ATP13A4: variants seen among roughly 807,000 people sequenced by gnomAD.
ATP13A4 encodes the protein probable cation-transporting ATPase 13A4.
ATP13A4 carries 114 observed loss-of-function variants against 142.5 expected under a neutral mutation model. The observed-to-expected ratio is 0.80, with a 90% CI of 0.69 to 0.93. The LOEUF (loss-of-function observed/expected upper bound fraction) is 0.93, where lower values mean the gene tolerates loss of function less well. Ranked by LOEUF, ATP13A4 falls within the 40% of genes least tolerant of loss-of-function variation. The probability of loss-of-function intolerance (pLI) is 0.00; values close to 1 mark genes in which losing one functional copy is unlikely to be tolerated. For synonymous variants in ATP13A4, 488 were observed against 514.8 expected, an observed-to-expected ratio of 0.95 and a Z score of 0.70; for missense variants, 1,392 against 1,454.0, an observed-to-expected ratio of 0.96 and a Z score of 0.69.
chr3:193,489,999 T>C, intron 6 of ATP13A4, 135 bp from the exon 7 acceptor site: 2 of 1,012,440 alleles, frequency 2.0e-6, no homozygotes, highest in South Asian at 1.5e-5. Context: ...TATTCGGCAA[T>C]TGACACGTGC....
At chr3:193,415,919 G>C (rs1052906551) in intron 25 of ATP13A4, among the ~76,000 whole-genome samples, 2 of 152,186 alleles carry the variant, frequency 1.3e-5, no homozygotes, top group African/African-American at 2.4e-5. Context: ...CCAGGGCATA[G>C]TACATGCTCA....
At chr3:193,413,633 G>T (rs973165108) in intron 26 of ATP13A4, among the ~76,000 whole-genome samples, 2 of 152,182 alleles carry the variant, frequency 1.3e-5, no homozygotes, top group African/African-American at 4.8e-5. Flanking sequence ...CGCTCTGGGA[G>T]TGTCTGTCTT....
intron 1 of ATP13A4, among the ~76,000 whole-genome samples, chr3:193,544,694 A>G (rs568042144): frequency 6.6e-6 from 1 of 152,342 alleles, no homozygotes; most frequent in African/African-American, 2.4e-5. Flanking sequence ...ACTTATACAA[A>G]AAGGGATCTG....
At chr3:193,408,071 T>C (rs928323014) in intron 28 of ATP13A4, among the ~76,000 whole-genome samples, 1 of 152,248 alleles carries the variant, frequency 6.6e-6, no homozygotes, top group Non-Finnish European at 1.5e-5. Context: ...CTGATATATA[T>C]GTATGGTGAA....
intron 1 of ATP13A4, among the ~76,000 whole-genome samples, chr3:193,583,299 G>A (rs562365701): frequency 6.6e-6 from 1 of 152,116 alleles, no homozygotes; most frequent in East Asian, 1.9e-4. Flanking sequence ...TGGGATTGGT[G>A]GCGGGCGCCT....
intron 1 of ATP13A4, among the ~76,000 whole-genome samples, chr3:193,550,178 T>C (rs1247145544): frequency 1.3e-5 from 2 of 152,158 alleles, no homozygotes; most frequent in East Asian, 3.9e-4. Context: ...AGAAATACAA[T>C]TGCACCATGC....
In ATP13A4 at chr3:193,454,170, T is replaced by C. The variant is rs756711201; in HGVS notation, c.1958A>G (p.Gln653Arg). The change falls in exon 17 of 30, where the codon CAG (glutamine) becomes CGG (arginine). Residue 653 changes from glutamine to arginine, a missense_variant. Coordinates refer to ENST00000342695, the MANE Select transcript of ATP13A4 (RefSeq NM_032279.4). ...FVSELQIYTTQGFRVIALAYK... is the reference protein window; with the variant it reads ...FVSELQIYTTRGFRVIALAYK... ...GGCCAGTGCTATGACTCGGAAGCCC[T>C]GTGTCGTGTAAATCTGAAGTTCGCT... The C allele has an allele frequency of 1.2e-6, 2 of 1,614,156 alleles. No homozygotes were observed. The highest frequency in any genetic ancestry group is 3.3e-5 in the Admixed American group (2 of 60,034).
intron 28 of ATP13A4, among the ~76,000 whole-genome samples, chr3:193,409,034 T>C (rs974056787): frequency 6.6e-6 from 1 of 152,218 alleles, no homozygotes; most frequent in Non-Finnish European, 1.5e-5. Context: ...AATAAACTAG[T>C]GTCATTGGTT....
chr3:193,547,033 A>C (rs1304774980), intron 1 of ATP13A4, among the ~76,000 whole-genome samples: 1 of 152,154 alleles, frequency 6.6e-6, no homozygotes, highest in Admixed American at 6.5e-5. Flanking sequence ...ATCTTTCCTC[A>C]CTGGACAAGC....
chr3:193,435,085 G>A (rs554312911), intron 24 of ATP13A4, among the ~76,000 whole-genome samples: 2 of 152,162 alleles, frequency 1.3e-5, no homozygotes, highest in South Asian at 4.2e-4. Flanking sequence ...TGCTATCTCT[G>A]CCCTTAAGGT....
At chr3:193,466,607 G>A (rs1718303111) in intron 10 of ATP13A4, among the ~76,000 whole-genome samples, 3 of 152,300 alleles carry the variant, frequency 2.0e-5, no homozygotes, top group African/African-American at 4.8e-5. Flanking sequence ...GCCCACCCTG[G>A]AAAGAACTTG....
At chr3:193,418,426 G>A (rs1387199124) in intron 25 of ATP13A4, among the ~76,000 whole-genome samples, 2 of 149,570 alleles carry the variant, frequency 1.3e-5, no homozygotes, top group Non-Finnish European at 3.0e-5. Flanking sequence ...ACTATATTTT[G>A]ATGAAAATAA....
intron 18 of ATP13A4, among the ~76,000 whole-genome samples, chr3:193,446,708 AT>A (rs1370111948): frequency 6.6e-6 from 1 of 152,144 alleles, no homozygotes; most frequent in Non-Finnish European, 1.5e-5. Flanking sequence ...AAAAATAAAA[AT>A]TTTTCTAAAA....
At chr3:193,483,516 G>C (rs1719416509) in intron 8 of ATP13A4, among the ~76,000 whole-genome samples, 2 of 152,296 alleles carry the variant, frequency 1.3e-5, no homozygotes, top group Non-Finnish European at 2.9e-5. Context: ...CCAGGCTGGA[G>C]TACAGTGGCG....
At chr3:193,480,883 C>A (rs1719252326) in intron 8 of ATP13A4, among the ~76,000 whole-genome samples, 1 of 152,114 alleles carries the variant, frequency 6.6e-6, no homozygotes, top group Admixed American at 6.6e-5. Flanking sequence ...AGCCCAAATG[C>A]CCATCAATCT....
At chr3:193,480,826 G>A (rs1353895120) in intron 8 of ATP13A4, among the ~76,000 whole-genome samples, 2 of 152,130 alleles carry the variant, frequency 1.3e-5, no homozygotes, top group East Asian at 3.8e-4. Context: ...ATACTTGCAT[G>A]TGCATGTCTA....
At chr3:193,438,439 A>G (rs887811600) in intron 23 of ATP13A4, 36 bp downstream of exon 23, 1 of 1,494,304 alleles carries the variant, frequency 6.7e-7, no homozygotes. Context: ...AGAAGTCAAG[A>G]GAGAGAAAAC....
chr3:193,489,908 G>T (rs1489925), intron 6 of ATP13A4, 44 bp from the exon 7 acceptor site: 14 of 1,581,374 alleles, frequency 8.9e-6, no homozygotes, highest in Non-Finnish European at 1.2e-5. Flanking sequence ...AGAGTTTTAG[G>T]CTTCACTCTG....
At chr3:193,461,006 C>T (rs1283368210) in intron 13 of ATP13A4, among the ~76,000 whole-genome samples, 1 of 151,890 alleles carries the variant, frequency 6.6e-6, no homozygotes, top group African/African-American at 2.4e-5. Context: ...TGTTTTGTTT[C>T]ATTTTATTAA....
Sources: gnomAD v4.1 joint callset for allele counts (sites outside exome capture counted in the v4.1 genomes callset) on GRCh38, gnomAD v4.1.1 for gene constraint, MANE v1.5 for transcripts, NCBI Gene and HGNC (gene_info 2026-07-23, HGNC 2026-07-21) for gene names.